MYH4: variants seen among roughly 807,000 people sequenced by gnomAD.
MYH4 encodes the protein myosin heavy chain 4.
A neutral mutation model predicts 229.9 loss-of-function variants in MYH4; 200 were observed. The observed-to-expected ratio is 0.87, with a 90% CI of 0.78 to 0.98. The LOEUF (loss-of-function observed/expected upper bound fraction) is 0.98. MYH4 is among the 50% of genes least tolerant of loss of function. The pLI, the probability that MYH4 is intolerant of heterozygous loss-of-function variation, is 0.00. For missense variants in MYH4, 2,148 were observed against 2,332.6 expected, an observed-to-expected ratio of 0.92 and a Z score of 1.63; for synonymous variants, 761 against 834.6, an observed-to-expected ratio of 0.91 and a Z score of 1.52.
chr17:10,456,387 A>G, intron 17 of MYH4, 98 bp downstream of exon 17: 1 of 980,662 alleles, frequency 1.0e-6, no homozygotes, highest in South Asian at 1.7e-5. Flanking sequence ...GTACTACTTT[A>G]TTCACTTTCA....
In MYH4 at chr17:10,450,597, A is replaced by G. The variant is rs1567699833; in HGVS notation, c.4037T>C (p.Leu1346Pro). Reference protein sequence around the residue: ...ALQSARHDCDLLREQYEEEQE... With the variant: ...ALQSARHDCDPLREQYEEEQE... ...CTCCTCCTCATACTGTTCCCGCAGC[A>G]GGTCACAGTCATGGCGGGCTGACTG... Residue 1346 changes from leucine (L) to proline (P), a missense_variant, in exon 30 of 40, where the codon CTG becomes CCG. By Grantham distance (98) the Leu-to-Pro change is moderately conservative. Coordinates refer to ENST00000255381, the MANE Select transcript of MYH4 (RefSeq NM_017533.2). The G allele has an allele frequency of 6.2e-7, 1 of 1,614,200 alleles. No individual in the cohort carries two copies. The highest frequency in any genetic ancestry group is 8.5e-7 in the Non-Finnish European group (1 of 1,180,022).
At position 10,457,702 on chromosome 17, in the gene MYH4, C is replaced by A; in HGVS notation, c.1615G>T (p.Glu539Ter). ...GTTGCCTTGGGGAACATGCACTCCT[C>A]TTCTAGGATGGAGAAGATGCCCATA... ...KPMGIFSILE[E>*]ECMFPKATDT... Residue 539 changes from glutamate to a stop codon, truncating the protein, a stop_gained, in exon 16 of 40, where the codon GAG becomes TAG. Transcript: ENST00000255381. LOFTEE classifies it high-confidence loss of function. 6.2e-7 allele frequency: 1 copy of A among 1,614,032 alleles called. No individual in the cohort carries two copies. The highest frequency in any genetic ancestry group is 1.1e-5 in the South Asian group (1 of 91,070).
intron 9 of MYH4, 63 bp downstream of exon 9, chr17:10,463,275 A>C: frequency 6.5e-7 from 1 of 1,546,992 alleles, no homozygotes; most frequent in Non-Finnish European, 8.9e-7. Flanking sequence ...AAATAAGTAC[A>C]AGATTTTCTA....
intron 23 of MYH4, 26 bp from the exon 24 acceptor site, chr17:10,453,354 A>G: frequency 6.2e-7 from 1 of 1,613,970 alleles, no homozygotes; most frequent in East Asian, 2.2e-5. Context: ...GATGACCAGA[A>G]TGTCAATGAC....
rs146221622 is a variant in MYH4 at position 10,445,088 on chromosome 17, C to T, written c.5354G>A (p.Arg1785Gln). The T allele has an allele frequency of 2.9e-5, 47 of 1,614,036 alleles. No individual in the cohort carries two copies. The highest frequency in any genetic ancestry group is 6.7e-5 in the Admixed American group (4 of 60,002). Reference sequence around the variant, plus strand: ...GGTCTGCTCCATGTTCTTCTTCATCCGCTCCAGGTGGGCGCTGGTGTCCTG... The same window carrying T: ...GGTCTGCTCCATGTTCTTCTTCATCTGCTCCAGGTGGGCGCTGGTGTCCTG... The part of the protein sequence containing the change: ...KEQDTSAHLE[R>Q]MKKNMEQTVK... Residue 1785 changes from arginine to glutamine, a missense_variant, in exon 37 of 40, where the codon CGG (arginine) becomes CAG (glutamine). Transcript: ENST00000255381.
intron 2 of MYH4, among the ~76,000 whole-genome samples, chr17:10,468,939 T>C (rs750377064): frequency 5.3e-5 from 8 of 152,222 alleles, no homozygotes; most frequent in Non-Finnish European, 1.2e-4. Context: ...AAAGCCTGGA[T>C]TGGCACCTAG....
chr17:10,454,832 T>C, intron 21 of MYH4, 22 bp from the exon 22 acceptor site: 1 of 1,611,120 alleles, frequency 6.2e-7, no homozygotes, highest in Non-Finnish European at 8.5e-7. Flanking sequence ...GAAAAAAAGA[T>C]GCAAATGGAG....
chr17:10,446,721 A>G (rs1049513550), intron 35 of MYH4, among the ~76,000 whole-genome samples: 18 of 152,134 alleles, frequency 1.2e-4, no homozygotes, highest in African/African-American at 4.3e-4. Context: ...AGAGTTGCAT[A>G]AGACAAGACA....
chr17:10,464,031 A>G (rs2072732368), intron 7 of MYH4, among the ~76,000 whole-genome samples: 1 of 152,106 alleles, frequency 6.6e-6, no homozygotes. Context: ...TTTATTTTGG[A>G]TTCAGGGGAT....
chr17:10,446,993 A>G lies in MYH4; in HGVS notation c.5169+20T>C, dbSNP rs1363378279. The G allele has an allele frequency of 6.2e-7, 1 of 1,607,986 alleles. No individual in the cohort carries two copies. The highest frequency in any genetic ancestry group is 1.3e-5 in the African/African-American group (1 of 74,720). On this transcript the variant is annotated intron_variant, in intron 35 of 39. Transcript: ENST00000255381. The stretch of plus-strand genomic sequence containing the variant: ...CAGCTTCAGGGAGTACATTTTCTAA[A>G]CCATAGTCTTGAACCTCACCTGAGT...
At position 10,443,915 on chromosome 17, in the gene MYH4, A is replaced by G. The variant is rs774844378; in HGVS notation, c.5668-388T>C. 1.4e-5 allele frequency among the ~76,000 whole-genome samples: 2 copies of G among 142,530 alleles called. No homozygotes were observed. Among genetic ancestry groups the G allele is most frequent in the African/African-American group, 2.6e-5 (1 of 38,224 alleles). The allele number at this position is 142,530 out of a possible 152,430, so 93.5% of individuals were successfully genotyped here. ...GCAACAAGAGCAAAACTCTGCCTCG[A>G]AAAAAAAAAAAAGAAGAGAAAAAGG... is the stretch of plus-strand genomic sequence containing the variant. On this transcript the variant is annotated intron_variant, in intron 39 of 39. Coordinates refer to ENST00000255381, the MANE Select transcript of MYH4 (RefSeq NM_017533.2). The surrounding 1 kb of genome is among the most constrained non-coding windows in gnomAD (Gnocchi z 4.6).
At chr17:10,447,269 A>C (rs2072522642) in intron 34 of MYH4, 53 bp from the exon 35 acceptor site, 1 of 1,508,496 alleles carries the variant, frequency 6.6e-7, no homozygotes, top group African/African-American at 1.4e-5. Context: ...AAGCAAATGC[A>C]AACTTATGGT....
At position 10,447,818 on chromosome 17, in the gene MYH4, C is replaced by T; in HGVS notation, c.4965G>A (p.Lys1655=). 1 of 1,605,588 alleles carries T rather than the reference C, an allele frequency of 6.2e-7. No homozygotes were observed. The change falls in exon 34 of 40, where the codon AAG becomes AAA. Residue 1655 remains lysine (K), a splice_region_variant and synonymous_variant. Transcript: ENST00000255381. ...RNLRNTQGIL[K]DTQLHLDDAI... ...ACTATGTGTATTTACCCCAGCATAC[C>T]TTCAGTATTCCTTGTGTGTTTCTAA...
Position 10,465,604 on chromosome 17 carries a change from G to A in MYH4, c.349-6C>T. On this transcript the variant is annotated splice_region_variant and splice_polypyrimidine_tract_variant and intron_variant, in intron 4 of 39. Transcript: ENST00000255381. Reference sequence around the variant, plus strand: ...CAGAAGAGGCCCGAGTAGGTCTGTGGGAAAGGACGGGGTTCCTCGATCAGC... The same window carrying A: ...CAGAAGAGGCCCGAGTAGGTCTGTGAGAAAGGACGGGGTTCCTCGATCAGC... 1 of 1,613,948 alleles carries A rather than the reference G, an allele frequency of 6.2e-7. No individual in the cohort carries two copies. Among genetic ancestry groups the A allele is most frequent in the Non-Finnish European group, 8.5e-7 (1 of 1,179,964 alleles).
At chr17:10,444,770 T>C in intron 38 of MYH4, 25 bp downstream of exon 38, 1 of 1,613,266 alleles carries the variant, frequency 6.2e-7, no homozygotes. Flanking sequence ...ACTATAGGCC[T>C]GGAAGATATG....
chr17:10,468,466 T>C (rs2072789796), intron 2 of MYH4, among the ~76,000 whole-genome samples: 1 of 152,252 alleles, frequency 6.6e-6, no homozygotes, highest in South Asian at 2.1e-4. Flanking sequence ...CTTTTCTAAA[T>C]GAATATAGCT....
intron 39 of MYH4, among the ~76,000 whole-genome samples, chr17:10,444,225 C>T (rs933140227): frequency 2.0e-5 from 3 of 151,446 alleles, no homozygotes; most frequent in Non-Finnish European, 4.4e-5. Context: ...TAACTGCAGC[C>T]AAATTGAAAA....
intron 1 of MYH4, 82 bp from the exon 2 acceptor site, chr17:10,469,418 T>C (rs1350192652): frequency 1.3e-5 from 2 of 152,188 alleles, no homozygotes; most frequent in Non-Finnish European, 2.9e-5. Flanking sequence ...TTGTCTACAA[T>C]GTCGTCCTTA....
chr17:10,445,795 G>A (rs968057703), intron 35 of MYH4, among the ~76,000 whole-genome samples: 11 of 152,052 alleles, frequency 7.2e-5, no homozygotes, highest in Non-Finnish European at 1.3e-4. Flanking sequence ...TTGGGAGGCC[G>A]AGGTGGGCAG....
Sources: gnomAD v4.1 joint callset for allele counts (sites outside exome capture counted in the v4.1 genomes callset) on GRCh38, gnomAD v4.1.1 for gene constraint, Gnocchi (gnomAD v3.1) non-coding constraint, MANE v1.5 for transcripts, NCBI Gene and HGNC (gene_info 2026-07-23, HGNC 2026-07-21) for gene names.